Variants in ADGRV1 observed in about 807,000 individuals in gnomAD.
The protein encoded by ADGRV1 is adhesion G protein-coupled receptor V1.
A neutral mutation model predicts 596.2 loss-of-function variants in ADGRV1; 359 were observed. That is an observed-to-expected ratio of 0.60 (90% CI 0.55 to 0.66). ADGRV1 has a LOEUF of 0.66. Ranked by LOEUF, ADGRV1 falls within the 30% of genes least tolerant of loss-of-function variation. The probability of loss-of-function intolerance (pLI) is 0.00; values close to 1 mark genes in which losing one functional copy is unlikely to be tolerated. For synonymous variants in ADGRV1, 2,681 were observed against 2,679.2 expected (o/e 1.00, Z -0.02); for missense variants, 7,274 against 7,575.6 (o/e 0.96, Z 1.48).
rs540313322 is a variant in ADGRV1 at position 90,946,109 on chromosome 5, G to C, written c.17857-19306G>C. ...CGTTTGAACTGAGACAAATAAGATG[G>C]ACAAGAACCACCTAGAAGGAGAATA... On this transcript the variant is annotated intron_variant, in intron 83 of 89. Coordinates refer to ENST00000405460, the MANE Select transcript of ADGRV1 (RefSeq NM_032119.4). Among the ~76,000 whole-genome samples, 4 of 152,272 alleles carry C rather than the reference G, an allele frequency of 2.6e-5. No individual in the cohort carries two copies. The East Asian group carries it at 7.7e-4, about 29-fold the overall frequency.
intron 83 of ADGRV1, among the ~76,000 whole-genome samples, chr5:90,901,442 C>A (rs1771831342): frequency 6.6e-6 from 1 of 152,196 alleles, no homozygotes; most frequent in Non-Finnish European, 1.5e-5. Flanking sequence ...TCCACAGTCC[C>A]AAGTCACCTC....
intron 83 of ADGRV1, among the ~76,000 whole-genome samples, chr5:90,925,195 G>T (rs1774304851): frequency 4.6e-5 from 7 of 152,004 alleles, no homozygotes; most frequent in Admixed American, 4.6e-4. Flanking sequence ...GATGGGGATG[G>T]CATTGAATCT....
intron 41 of ADGRV1, among the ~76,000 whole-genome samples, chr5:90,711,755 C>A (rs1749380151): frequency 6.6e-6 from 1 of 151,938 alleles, no homozygotes; most frequent in Non-Finnish European, 1.5e-5. Context: ...TATTTCTTAG[C>A]CAAATGTTTA....
intron 83 of ADGRV1, among the ~76,000 whole-genome samples, chr5:90,953,955 A>T (rs771819636): frequency 1.3e-5 from 2 of 152,040 alleles, no homozygotes; most frequent in Non-Finnish European, 2.9e-5. Context: ...TGTTAATCAA[A>T]TTTATGCTAT....
intron 16 of ADGRV1, among the ~76,000 whole-genome samples, chr5:90,647,281 G>T (rs1025038655): frequency 1.3e-5 from 2 of 152,202 alleles, no homozygotes; most frequent in Non-Finnish European, 2.9e-5. Flanking sequence ...CGATGTTGAA[G>T]ATAATGGATT....
chr5:90,750,760 C>T (rs1580996803), intron 53 of ADGRV1, 63 bp downstream of exon 53: 1 of 1,267,282 alleles, frequency 7.9e-7, no homozygotes, highest in Non-Finnish European at 1.1e-6. Context: ...ATGTATGGGA[C>T]CAAATCCTGC....
chr5:90,852,245 G>A (rs1766604056), intron 79 of ADGRV1, among the ~76,000 whole-genome samples: 1 of 152,122 alleles, frequency 6.6e-6, no homozygotes, highest in South Asian at 2.1e-4. Context: ...ACCACTACAG[G>A]AAAAAGTTGG....
At chr5:90,811,928 ATTTT>A (rs57092908) in intron 74 of ADGRV1, among the ~76,000 whole-genome samples, 3 of 132,582 alleles carry the variant, frequency 2.3e-5, no homozygotes, top group East Asian at 2.2e-4. Context: ...ATCATACTGT[ATTTT>A]TTTTTTTTTT....
At chr5:90,772,774 A>T (rs140514248) in intron 59 of ADGRV1, among the ~76,000 whole-genome samples, 181 of 152,322 alleles carry the variant, frequency 1.2e-3, no homozygotes, top group Middle Eastern at 3.4e-3. Flanking sequence ...GTATGTAAAG[A>T]TGTTTATGGC....
intron 76 of ADGRV1, among the ~76,000 whole-genome samples, chr5:90,828,697 C>T (rs1483953085): frequency 6.6e-6 from 1 of 151,838 alleles, no homozygotes; most frequent in Non-Finnish European, 1.5e-5. Flanking sequence ...TAGGTTGTTT[C>T]CTGACATTGA....
chr5:90,619,883 A>G (rs1022890246), intron 4 of ADGRV1, among the ~76,000 whole-genome samples: 2 of 151,712 alleles, frequency 1.3e-5, no homozygotes, highest in Non-Finnish European at 2.9e-5. Context: ...TAGTTTGCTG[A>G]GAATGATGGT....
At chr5:90,636,824 C>T (rs1766272876) in intron 10 of ADGRV1, among the ~76,000 whole-genome samples, 1 of 149,912 alleles carries the variant, frequency 6.7e-6, no homozygotes, top group Non-Finnish European at 1.5e-5. Flanking sequence ...GCTTAAAGGG[C>T]AAAGAAAAAA....
chr5:90,702,747 A>G (rs1748067963), intron 34 of ADGRV1, among the ~76,000 whole-genome samples: 1 of 152,016 alleles, frequency 6.6e-6, no homozygotes, highest in Admixed American at 6.5e-5. Flanking sequence ...TGACATTTTT[A>G]GTGAATGTTT....
At chr5:91,132,347 C>T (rs1794289987) in intron 87 of ADGRV1, among the ~76,000 whole-genome samples, 1 of 152,178 alleles carries the variant, frequency 6.6e-6, no homozygotes, top group South Asian at 2.1e-4. Context: ...ATCACTAATA[C>T]ATTTACAAAT....
intron 76 of ADGRV1, chr5:90,825,735 A>G (rs1304750576): frequency 6.6e-6 from 1 of 152,224 alleles, no homozygotes; most frequent in Non-Finnish European, 1.5e-5. Context: ...TCCTTGCAGA[A>G]GAATATATAA....
chr5:90,895,584 C>T (rs1467454789), intron 83 of ADGRV1, among the ~76,000 whole-genome samples: 3 of 152,156 alleles, frequency 2.0e-5, no homozygotes, highest in Non-Finnish European at 4.4e-5. Context: ...CTTCACATAG[C>T]ACATCTTTAA....
intron 36 of ADGRV1, 94 bp from the exon 37 acceptor site, chr5:90,705,306 T>C: frequency 9.8e-7 from 1 of 1,022,614 alleles, no homozygotes; most frequent in Non-Finnish European, 1.4e-6. Context: ...TAGAACACTT[T>C]TGATTACCTT....
At chr5:91,039,091 A>G (rs1785130320) in intron 85 of ADGRV1, among the ~76,000 whole-genome samples, 1 of 152,200 alleles carries the variant, frequency 6.6e-6, no homozygotes, top group Non-Finnish European at 1.5e-5. Context: ...TGCTTCCAAT[A>G]TATAAGTTAT....
chr5:90,811,983 C>CAG (rs1762483793), intron 74 of ADGRV1, among the ~76,000 whole-genome samples: 1 of 145,968 alleles, frequency 6.9e-6, no homozygotes, highest in African/African-American at 2.5e-5. Context: ...GGCTGTAGTG[C>CAG]AGTGGCATGA....
Sources: allele counts gnomAD v4.1 joint callset (sites outside exome capture counted in the v4.1 genomes callset), GRCh38; gene constraint gnomAD v4.1.1; transcripts MANE v1.5; gene names NCBI Gene and HGNC (gene_info 2026-07-23, HGNC 2026-07-21).